The following PPM1B variants were observed in gnomAD, a reference collection of about 807,000 sequenced individuals.
The protein encoded by PPM1B is protein phosphatase 1B.
PPM1B carries 22 observed loss-of-function variants against 43.0 expected under a neutral mutation model. The ratio of observed to expected loss-of-function variants is 0.51; its 90% CI spans 0.37 to 0.73. The LOEUF (loss-of-function observed/expected upper bound fraction) is 0.73. Ranked by LOEUF, PPM1B falls within the 30% of genes least tolerant of loss-of-function variation. The probability of loss-of-function intolerance (pLI) is 0.00; values close to 1 mark genes in which losing one functional copy is unlikely to be tolerated. For synonymous variants in PPM1B, 217 were observed against 197.9 expected, an observed-to-expected ratio of 1.10 and a Z score of -0.81; for missense variants, 632 against 584.2, an observed-to-expected ratio of 1.08 and a Z score of -0.84.
chr2:44,201,406 T>G lies in PPM1B; in HGVS notation c.207T>G (p.Asn69Lys). ...YDGHAGSRVA[N>K]YCSTHLLEHI... is the part of the protein sequence containing the mutation. ...GTCATGCTGGATCCCGAGTGGCAAATTACTGCTCAACACATTTATTAGAAC... is the reference window on the plus strand; with the variant it reads ...GTCATGCTGGATCCCGAGTGGCAAAGTACTGCTCAACACATTTATTAGAAC... Residue 69 changes from asparagine (N) to lysine (K), a missense_variant, in exon 2 of 6, where the codon AAT becomes AAG. This residue lies in a region of PPM1B where 200 missense variants were observed against 200.7 expected (regional missense o/e 1.00). Transcript: ENST00000282412. This position sits in a 1 kb window ranked among gnomAD's most constrained non-coding sequence, Gnocchi z 5.4. 2 of 1,614,134 alleles carry G rather than the reference T, an allele frequency of 1.2e-6. No individual in the cohort carries two copies. The highest frequency in any genetic ancestry group is 1.7e-6 in the Non-Finnish European group (2 of 1,179,996).
At chr2:44,219,775 C>A (rs1439085617) in intron 5 of PPM1B, among the ~76,000 whole-genome samples, 1 of 151,960 alleles carries the variant, frequency 6.6e-6, no homozygotes, top group Non-Finnish European at 1.5e-5. Flanking sequence ...GAAACCCCGT[C>A]TCTACTAAAC....
intron 1 of PPM1B, among the ~76,000 whole-genome samples, chr2:44,190,628 A>G (rs779774527): frequency 2.0e-5 from 3 of 152,190 alleles, no homozygotes; most frequent in Non-Finnish European, 4.4e-5. Context: ...GTAGGCAGAT[A>G]CATTTAAATG....
At chr2:44,179,525 GTTTTA>G (rs1167339296) in intron 1 of PPM1B, among the ~76,000 whole-genome samples, 2 of 151,908 alleles carry the variant, frequency 1.3e-5, no homozygotes, top group East Asian at 1.9e-4. Flanking sequence ...GAGAAATGGT[GTTTTA>G]TTTTGACTTT....
chr2:44,210,053 C>T (rs1230016099), intron 3 of PPM1B, among the ~76,000 whole-genome samples: 2 of 152,148 alleles, frequency 1.3e-5, no homozygotes, highest in Non-Finnish European at 2.9e-5. Flanking sequence ...CTAACAGTGT[C>T]ATGAAAACAA....
At chr2:44,174,840 A>T (rs1158764164) in intron 1 of PPM1B, among the ~76,000 whole-genome samples, 1 of 152,224 alleles carries the variant, frequency 6.6e-6, no homozygotes, top group East Asian at 1.9e-4. Context: ...AAGTGTCAGC[A>T]TGGGTGTTTA....
chr2:44,211,724 G>A (rs1430951347), intron 3 of PPM1B, among the ~76,000 whole-genome samples: 3 of 148,482 alleles, frequency 2.0e-5, no homozygotes. Context: ...TAGCCAACTG[G>A]TGATTTTCTG....
At chr2:44,230,151 A>G in intron 5 of PPM1B, 1 of 1,437,112 alleles carries the variant, frequency 7.0e-7, no homozygotes, top group Non-Finnish European at 9.1e-7. Context: ...ATAAAAGCTG[A>G]GTAAATTTCA....
At chr2:44,228,124 A>G (rs1388293806) in intron 5 of PPM1B, among the ~76,000 whole-genome samples, 2 of 148,000 alleles carry the variant, frequency 1.4e-5, no homozygotes, top group East Asian at 2.0e-4. Context: ...GGGTTTCACC[A>G]TCTTGGCCAG....
At chr2:44,233,689 G>A (rs1211174748), downstream of PPM1B, 4 of 985,646 alleles carry the variant, frequency 4.1e-6, no homozygotes, top group Middle Eastern at 1.0e-3. Flanking sequence ...TTTCTGTAAC[G>A]TTTTCCTGAA....
intron 1 of PPM1B, among the ~76,000 whole-genome samples, chr2:44,195,908 C>T (rs1668640321): frequency 6.6e-6 from 1 of 152,080 alleles, no homozygotes. Context: ...CTGGAGAGGC[C>T]ACATACAGAA....
intron 5 of PPM1B, among the ~76,000 whole-genome samples, chr2:44,223,415 C>T (rs917325232): frequency 1.3e-5 from 2 of 152,268 alleles, no homozygotes; most frequent in South Asian, 2.1e-4. Context: ...GCTGCTTTTA[C>T]ATTTTTATAT....
chr2:44,244,420 C>G (rs759115547), downstream of PPM1B: 2 of 1,218,826 alleles, frequency 1.6e-6, no homozygotes, highest in South Asian at 1.4e-5. Context: ...ATCTTATAAC[C>G]CATTAGTGGA....
At chr2:44,182,261 A>G (rs1249118817) in intron 1 of PPM1B, among the ~76,000 whole-genome samples, 1 of 151,774 alleles carries the variant, frequency 6.6e-6, no homozygotes, top group African/African-American at 2.4e-5. Flanking sequence ...CTTAATTTTT[A>G]TTTATTTATT....
At chr2:44,171,944 A>T (rs754874615) in intron 1 of PPM1B, among the ~76,000 whole-genome samples, 3 of 152,064 alleles carry the variant, frequency 2.0e-5, no homozygotes, top group Non-Finnish European at 4.4e-5. Context: ...TATAATTCTA[A>T]CTCTCGCTTT....
downstream of PPM1B, among the ~76,000 whole-genome samples, chr2:44,238,799 A>C (rs1670685717): frequency 6.6e-6 from 1 of 152,160 alleles, no homozygotes; most frequent in Admixed American, 6.5e-5. Context: ...TTAAAATGCG[A>C]AGTCTTCATG....
At chr2:44,196,477 T>C (rs1383903094) in intron 1 of PPM1B, among the ~76,000 whole-genome samples, 1 of 152,202 alleles carries the variant, frequency 6.6e-6, no homozygotes, top group African/African-American at 2.4e-5. Context: ...CTGGCTGAGG[T>C]AGTGTTTGTC....
rs770207184 is a variant in PPM1B, at chr2:44,241,111, CTCCT to C, written n.1547-3116_1547-3113del. 5.6e-5 allele frequency among the ~76,000 whole-genome samples: 8 copies of C among 143,282 alleles called. 1 individual carries two copies. Among genetic ancestry groups the C allele is most frequent in the Non-Finnish European group, 9.3e-5 (6 of 64,460 alleles). 94.0% of individuals were successfully genotyped at this position (143,282 alleles called of 152,430 possible). On this transcript the variant is annotated intron_variant and non_coding_transcript_variant, in intron 5 of 5. Coordinates refer to the PPM1B transcript ENST00000378540. ...TTCCGCCTCCCGGGTTCAAGTGATT[CTCCT>C]GCCTCAGCGTCCCAAGTAGCTGGGA...
At chr2:44,202,114 T>A (rs1668967925) in intron 2 of PPM1B, 69 bp downstream of exon 2, 1 of 1,379,304 alleles carries the variant, frequency 7.3e-7, no homozygotes, top group Non-Finnish European at 9.5e-7. Flanking sequence ...AAAGTTAAGC[T>A]AACTTAAAAT....
downstream of PPM1B, among the ~76,000 whole-genome samples, chr2:44,236,597 C>T (rs1165812904): frequency 1.3e-5 from 2 of 151,944 alleles, no homozygotes; most frequent in Non-Finnish European, 2.9e-5. Context: ...CAGGAATTGA[C>T]AGCCTCATTA....
Sources: allele counts gnomAD v4.1 joint callset (sites outside exome capture counted in the v4.1 genomes callset), GRCh38; gene constraint gnomAD v4.1.1; regional missense constraint gnomAD v4.1.1; non-coding constraint Gnocchi (gnomAD v3.1); transcripts MANE v1.5; gene names NCBI Gene and HGNC (gene_info 2026-07-23, HGNC 2026-07-21).